XKR4: variants seen among roughly 807,000 people sequenced by gnomAD.
XKR4 encodes XK related 4, also known as XK-related protein 4.
A neutral mutation model predicts 53.9 loss-of-function variants in XKR4; 12 were observed. That is an observed-to-expected ratio of 0.22 (90% CI 0.14 to 0.36). The LOEUF (loss-of-function observed/expected upper bound fraction) is 0.36, where lower values mean the gene tolerates loss of function less well. XKR4 is among the 10% of genes least tolerant of loss of function. The pLI is 1.00. For synonymous variants in XKR4, 354 were observed against 362.4 expected, an observed-to-expected ratio of 0.98 and a Z score of 0.26; for missense variants, 799 against 859.5, an observed-to-expected ratio of 0.93 and a Z score of 0.88.
chr8:55,502,122 T>C (rs1242437400), intron 2 of XKR4, among the ~76,000 whole-genome samples: 1 of 152,210 alleles, frequency 6.6e-6, no homozygotes, highest in Non-Finnish European at 1.5e-5. Context: ...TTTTCAAATA[T>C]TTTTGATCCA....
At chr8:55,229,217 G>A (rs1817997026) in intron 1 of XKR4, among the ~76,000 whole-genome samples, 1 of 152,016 alleles carries the variant, frequency 6.6e-6, no homozygotes, top group Admixed American at 6.5e-5. Context: ...CTCTGAAAGG[G>A]GCCGGCTGAC....
intron 2 of XKR4, among the ~76,000 whole-genome samples, chr8:55,399,092 G>A (rs1289565429): frequency 6.6e-6 from 1 of 152,180 alleles, no homozygotes; most frequent in Non-Finnish European, 1.5e-5. Flanking sequence ...AGCGAGTGTT[G>A]TTCTTTAGGT....
chr8:55,448,124 C>T (rs915397061), intron 2 of XKR4, among the ~76,000 whole-genome samples: 12 of 152,280 alleles, frequency 7.9e-5, no homozygotes, highest in African/African-American at 2.9e-4. Flanking sequence ...TTCTTTCTTT[C>T]TTTGGTATAT....
At chr8:55,280,183 CGTT>C (rs1818822311) in intron 1 of XKR4, among the ~76,000 whole-genome samples, 1 of 152,126 alleles carries the variant, frequency 6.6e-6, no homozygotes, top group Admixed American at 6.5e-5. Context: ...CCTGACCAAA[CGTT>C]GTGTTGCAAG....
At chr8:55,355,695 G>C (rs1803788153) in intron 1 of XKR4, among the ~76,000 whole-genome samples, 2 of 152,194 alleles carry the variant, frequency 1.3e-5, no homozygotes, top group African/African-American at 4.8e-5. Context: ...CACTAGGCTA[G>C]TAAACAACGA....
intron 1 of XKR4, among the ~76,000 whole-genome samples, chr8:55,303,966 T>G (rs922769543): frequency 6.6e-6 from 1 of 152,162 alleles, no homozygotes; most frequent in Non-Finnish European, 1.5e-5. Flanking sequence ...ATTCATTGAT[T>G]TTTTGAAGGG....
chr8:55,429,638 G>C (rs1271150425), intron 2 of XKR4, among the ~76,000 whole-genome samples: 1 of 151,738 alleles, frequency 6.6e-6, no homozygotes, highest in Non-Finnish European at 1.5e-5. Context: ...CACTGAGGTA[G>C]AAGGATCACT....
At chr8:55,229,312 A>G (rs1817998877) in intron 1 of XKR4, among the ~76,000 whole-genome samples, 1 of 152,220 alleles carries the variant, frequency 6.6e-6, no homozygotes, top group Non-Finnish European at 1.5e-5. Flanking sequence ...GTGGAGCAAA[A>G]GAGGATAGTG....
intron 1 of XKR4, among the ~76,000 whole-genome samples, chr8:55,336,303 G>C (rs1251828191): frequency 6.6e-6 from 1 of 151,988 alleles, no homozygotes; most frequent in Admixed American, 6.6e-5. Context: ...TTGTCTTGCC[G>C]TCACCATGTA....
intron 1 of XKR4, among the ~76,000 whole-genome samples, chr8:55,350,483 A>T (rs1238222137): frequency 6.6e-6 from 1 of 152,220 alleles, no homozygotes; most frequent in African/African-American, 2.4e-5. Flanking sequence ...GTAAAGTTTG[A>T]TACGAGCTAT....
At chr8:55,214,148 C>G (rs1817770720) in intron 1 of XKR4, among the ~76,000 whole-genome samples, 1 of 152,072 alleles carries the variant, frequency 6.6e-6, no homozygotes, top group Non-Finnish European at 1.5e-5. Flanking sequence ...CAGGCATGAG[C>G]CACCGCACCC....
chr8:55,155,413 A>C (rs1816893532), intron 1 of XKR4, among the ~76,000 whole-genome samples: 1 of 152,206 alleles, frequency 6.6e-6, no homozygotes, highest in Non-Finnish European at 1.5e-5. Context: ...GAAATAACAT[A>C]ATATGGGAGT....
At chr8:55,138,655 G>A (rs2129353911) in intron 1 of XKR4, among the ~76,000 whole-genome samples, 2 of 152,198 alleles carry the variant, frequency 1.3e-5, no homozygotes, top group South Asian at 2.1e-4. Context: ...TATGAAATGA[G>A]GCCTACATTC....
At chr8:55,173,281 C>A (rs574130813) in intron 1 of XKR4, among the ~76,000 whole-genome samples, 2 of 151,958 alleles carry the variant, frequency 1.3e-5, no homozygotes, top group Non-Finnish European at 2.9e-5. Context: ...GGCACAGGGG[C>A]TCCCATCAAC....
chr8:55,189,121 A>G (rs866902734), intron 1 of XKR4, among the ~76,000 whole-genome samples: 24 of 152,160 alleles, frequency 1.6e-4, no homozygotes, highest in Admixed American at 1.0e-3. Context: ...TCCTAAGTTG[A>G]AGAGTTAATT....
intron 1 of XKR4, among the ~76,000 whole-genome samples, chr8:55,196,478 T>C (rs1339951366): frequency 6.6e-6 from 1 of 152,182 alleles, no homozygotes; most frequent in Non-Finnish European, 1.5e-5. Context: ...CCACAGCACC[T>C]GGCCTGTTGT....
chr8:55,298,356 A>ATCTGAGAC (rs2129376402), intron 1 of XKR4, among the ~76,000 whole-genome samples: 1 of 152,348 alleles, frequency 6.6e-6, no homozygotes, highest in Non-Finnish European at 1.5e-5. Flanking sequence ...ATAAAGGAAT[A>ATCTGAGAC]TCTGAGACTG....
At position 55,534,306 on chromosome 8, in the gene XKR4, G is replaced by A. The variant is rs1262660778; in HGVS notation, c.*10079G>A. On this transcript the variant is annotated 3_prime_UTR_variant, in exon 3 of 3. Transcript: ENST00000327381. The stretch of plus-strand genomic sequence containing the variant: ...TCTATGTGGAATTGGCTATCCTGTT[G>A]CTTCTCAGGCCCTGCAAAACCTTGG... 1 of 144,918 alleles carries A rather than the reference G, an allele frequency of 6.9e-6. No homozygotes were observed. The highest frequency in any genetic ancestry group is 2.1e-4 in the East Asian group (1 of 4,844). The allele number at this position is 144,918 out of a possible 1,614,324, so 9.0% of individuals were successfully genotyped here.
chr8:55,365,194 C>T (rs1803959734), intron 2 of XKR4, among the ~76,000 whole-genome samples: 1 of 152,188 alleles, frequency 6.6e-6, no homozygotes, highest in Non-Finnish European at 1.5e-5. Flanking sequence ...GAGGCTGCAG[C>T]CGGCTCCACT....
Sources: gnomAD v4.1 joint callset for allele counts (sites outside exome capture counted in the v4.1 genomes callset) on GRCh38, gnomAD v4.1.1 for gene constraint, MANE v1.5 for transcripts, NCBI Gene and HGNC (gene_info 2026-07-23, HGNC 2026-07-21) for gene names.